Variants in ITGAL observed in about 807,000 individuals in gnomAD.
ITGAL encodes the protein integrin alpha-L.
A neutral mutation model predicts 138.4 loss-of-function variants in ITGAL; 68 were observed. That is an observed-to-expected ratio of 0.49 (90% CI 0.40 to 0.60). ITGAL has a LOEUF of 0.60. Among genes scored for constraint, ITGAL ranks in the 20% least tolerant of loss-of-function variants. ITGAL has a pLI of 0.00. For synonymous variants in ITGAL, 561 were observed against 584.3 expected, an observed-to-expected ratio of 0.96 and a Z score of 0.57; for missense variants, 1,256 against 1,478.6, an observed-to-expected ratio of 0.85 and a Z score of 2.47.
At chr16:30,519,672 G>C (rs751681546) in intron 29 of ITGAL, 185 bp from the exon 30 acceptor site, 149 of 612,482 alleles carry the variant, frequency 2.4e-4, no homozygotes, top group Non-Finnish European at 3.2e-4. Context: ...TGCCTAAGGT[G>C]TGTGTTGGCC....
intron 4 of ITGAL, among the ~76,000 whole-genome samples, chr16:30,477,669 G>A (rs1459255686): frequency 2.0e-5 from 3 of 150,896 alleles, no homozygotes; most frequent in Non-Finnish European, 4.4e-5. Context: ...CAGGTGGATC[G>A]CTTGAGCCTA....
chr16:30,506,879 C>A lies in ITGAL; in HGVS notation c.2508+23C>A, dbSNP rs1268552390. 6.2e-6 allele frequency: 10 copies of A among 1,612,654 alleles called. No individual in the cohort carries two copies. The South Asian group carries it at 1.1e-4, about 18-fold the overall frequency. ...AAGGTGGGTGAGAGGACAGCGCCTG[C>A]CTGCGGGCATCTGTTCGGCAGACAC... On this transcript the variant is annotated intron_variant, in intron 21 of 30. Coordinates refer to ENST00000356798, the MANE Select transcript of ITGAL (RefSeq NM_002209.3).
Position 30,505,693 on chromosome 16 carries a change from G to A in ITGAL, c.2366+231G>A, listed in dbSNP as rs552316767. Among the ~76,000 whole-genome samples, 5 of 152,018 alleles carry A rather than the reference G, an allele frequency of 3.3e-5. No homozygotes were observed. In the East Asian group the frequency reaches 9.7e-4, roughly 29 times the overall value. On this transcript the variant is annotated intron_variant, in intron 20 of 30. Coordinates refer to ENST00000356798, the MANE Select transcript of ITGAL (RefSeq NM_002209.3). ...GGCCAAGAGTTCAAGACCAGCTATG[G>A]GAAACATAGCAAGACCCTGTCACTA...
chr16:30,494,760 A>G lies in ITGAL; in HGVS notation c.1413A>G (p.Gln471=). 6.2e-7 allele frequency: 1 copy of G among 1,613,474 alleles called. No individual in the cohort carries two copies. The highest frequency in any genetic ancestry group is 8.5e-7 in the Non-Finnish European group (1 of 1,179,600). The change falls in exon 13 of 31, where the codon CAA becomes CAG. Residue 471 remains glutamine (Q), a synonymous_variant. Transcript: ENST00000356798. This position sits in a 1 kb window ranked among gnomAD's most constrained non-coding sequence, Gnocchi z 4.2. ...GGELCGVDVD[Q]DGETELLLIG... ...AGCTGTGTGGCGTCGACGTGGACCAAGATGGGGAGACAGAGCTGCTGCTGA... is the reference window on the plus strand; with the variant it reads ...AGCTGTGTGGCGTCGACGTGGACCAGGATGGGGAGACAGAGCTGCTGCTGA...
rs1193626761 is a variant in ITGAL, at chr16:30,521,850, C to T, written c.*185C>T. 3 of 606,962 alleles carry T rather than the reference C, an allele frequency of 4.9e-6. No homozygotes were observed. Among genetic ancestry groups the T allele is most frequent in the African/African-American group, 3.7e-5 (2 of 53,840 alleles). The allele number at this position is 606,962 out of a possible 1,614,324, so 37.6% of individuals were successfully genotyped here. ...TCCTTTGCAGGCTCATAGGGAAGAC[C>T]TGCTGAGGGACCAGCCAAGAGGGCT... On this transcript the variant is annotated 3_prime_UTR_variant, in exon 31 of 31. Transcript: ENST00000356798.
chr16:30,478,697 CA>C (rs59193580), intron 4 of ITGAL, among the ~76,000 whole-genome samples: 65 of 106,592 alleles, frequency 6.1e-4, no homozygotes, highest in African/African-American at 1.2e-3. Flanking sequence ...GACTCCATCT[CA>C]AAAAAAAAAA....
intron 18 of ITGAL, 60 bp from the exon 19 acceptor site, chr16:30,505,184 G>A: frequency 6.8e-7 from 1 of 1,462,030 alleles, no homozygotes; most frequent in Non-Finnish European, 9.2e-7. Flanking sequence ...TCTCCTTCAT[G>A]AGGTCTGCTG....
intron 9 of ITGAL, 91 bp from the exon 10 acceptor site, chr16:30,488,991 A>C: frequency 9.4e-7 from 1 of 1,067,996 alleles, no homozygotes; most frequent in Non-Finnish European, 1.5e-6. Context: ...ACCCAGAAGT[A>C]AATACCTCAC....
At position 30,521,772 on chromosome 16, in the gene ITGAL, C is replaced by A; in HGVS notation, c.*107C>A. On this transcript the variant is annotated 3_prime_UTR_variant, in exon 31 of 31. Transcript: ENST00000356798. The stretch of plus-strand genomic sequence containing the variant: ...TGTGCCCTCGGGCGAGTCACTGCCT[C>A]TCCCTGGCCCTCAGTTTCCCTATCT... 9.5e-7 allele frequency: 1 copy of A among 1,048,814 alleles called. No individual in the cohort carries two copies. The highest frequency in any genetic ancestry group is 1.4e-6 in the Non-Finnish European group (1 of 732,552). 65.0% of individuals were successfully genotyped at this position (1,048,814 alleles called of 1,614,324 possible). A position where few individuals can be genotyped will look rare whatever the true frequency, so the allele number is the denominator to read the frequency against.
At chr16:30,517,435 G>A (rs2051183090) in intron 26 of ITGAL, among the ~76,000 whole-genome samples, 1 of 152,080 alleles carries the variant, frequency 6.6e-6, no homozygotes, top group South Asian at 2.1e-4. Context: ...TCCAGCCTCG[G>A]TGACAGAACA....
At chr16:30,484,314 C>T in intron 9 of ITGAL, 51 bp downstream of exon 9, 1 of 1,569,922 alleles carries the variant, frequency 6.4e-7, no homozygotes, top group Non-Finnish European at 8.7e-7. Context: ...AAAGAAATTC[C>T]CCTGGGACAT....
intron 15 of ITGAL, among the ~76,000 whole-genome samples, chr16:30,498,186 A>C (rs927482616): frequency 6.7e-6 from 1 of 149,970 alleles, no homozygotes; most frequent in Non-Finnish European, 1.5e-5. Context: ...TTAGCTGGGC[A>C]TGGTGGCATG....
At chr16:30,478,420 C>T (rs1322114223) in intron 4 of ITGAL, among the ~76,000 whole-genome samples, 5 of 148,208 alleles carry the variant, frequency 3.4e-5, no homozygotes, top group South Asian at 2.2e-4. Flanking sequence ...GAGGCATGGC[C>T]GGGCGCGGTG....
At chr16:30,511,956 G>A (rs1597104230) in intron 24 of ITGAL, among the ~76,000 whole-genome samples, 1 of 152,198 alleles carries the variant, frequency 6.6e-6, no homozygotes, top group Non-Finnish European at 1.5e-5. Flanking sequence ...AGGGTAGGGG[G>A]AAGAGAAAGG....
In ITGAL at chr16:30,472,800, C is replaced by A. The variant is rs1279983569; in HGVS notation, c.-38C>A. 3.8e-6 allele frequency: 6 copies of A among 1,599,754 alleles called. No individual in the cohort carries two copies. In the Admixed American group the frequency reaches 1.0e-4, roughly 27 times the overall value. ...AGCAAATCCCACGGGCCTCCTGACG[C>A]TGCCCCTGGGGCCACAGGTCCCTCG... On this transcript the variant is annotated 5_prime_UTR_variant, in exon 1 of 31. It adds an upstream start codon to the 5' untranslated region. Transcript: ENST00000356798.
At chr16:30,484,087 G>A (rs757755111) in intron 8 of ITGAL, 26 bp from the exon 9 acceptor site, 2 of 1,606,728 alleles carry the variant, frequency 1.2e-6, no homozygotes, top group Non-Finnish European at 1.7e-6. Flanking sequence ...GGGGATTTCA[G>A]CTCTTCACTC....
intron 4 of ITGAL, among the ~76,000 whole-genome samples, chr16:30,478,542 CA>C (rs1434991372): frequency 6.6e-6 from 1 of 151,036 alleles, no homozygotes; most frequent in Non-Finnish European, 1.5e-5. Flanking sequence ...GCTAAAAATA[CA>C]AAAAATTAGC....
chr16:30,510,276 G>A (rs1388723897), intron 21 of ITGAL, 85 bp from the exon 22 acceptor site: 2 of 777,240 alleles, frequency 2.6e-6, no homozygotes, highest in Non-Finnish European at 4.6e-6. Flanking sequence ...GAGCCCCTGG[G>A]GGAGGTAGGC....
intron 11 of ITGAL, among the ~76,000 whole-genome samples, chr16:30,493,865 C>G (rs1165575270): frequency 1.3e-5 from 2 of 152,144 alleles, no homozygotes; most frequent in Non-Finnish European, 2.9e-5. Context: ...GCATTCCAGC[C>G]TGGGCAAGAG....
Sources: allele counts gnomAD v4.1 joint callset (sites outside exome capture counted in the v4.1 genomes callset), GRCh38; gene constraint gnomAD v4.1.1; non-coding constraint Gnocchi (gnomAD v3.1); transcripts MANE v1.5; gene names NCBI Gene and HGNC (gene_info 2026-07-23, HGNC 2026-07-21).